Variants in PCDH9 observed in about 807,000 individuals in gnomAD.
The protein encoded by PCDH9 is protocadherin 9, also known as protocadherin-9.
In PCDH9, 24 loss-of-function variants were observed where a neutral mutation model predicts 70.6. That is an observed-to-expected ratio of 0.34 (90% CI 0.25 to 0.48). PCDH9 has a LOEUF of 0.48. Among genes scored for constraint, PCDH9 ranks in the 20% least tolerant of loss-of-function variants. The pLI is 0.99. For missense variants in PCDH9, 1,281 were observed against 1,503.6 expected, an observed-to-expected ratio of 0.85 and a Z score of 2.45; for synonymous variants, 562 against 558.5, an observed-to-expected ratio of 1.01 and a Z score of -0.09.
At chr13:67,113,744 T>C (rs2086705671) in intron 2 of PCDH9, among the ~76,000 whole-genome samples, 1 of 152,128 alleles carries the variant, frequency 6.6e-6, no homozygotes, top group Admixed American at 6.6e-5. Flanking sequence ...AGAGGGGGTT[T>C]CACTGCTTTA....
chr13:66,659,728 T>G (rs2139012903), intron 3 of PCDH9, among the ~76,000 whole-genome samples: 1 of 152,196 alleles, frequency 6.6e-6, no homozygotes, highest in East Asian at 1.9e-4. Context: ...CCCCGATCTC[T>G]TAATTCTCTA....
chr13:66,889,753 T>C (rs2088721215), intron 3 of PCDH9, among the ~76,000 whole-genome samples: 1 of 152,190 alleles, frequency 6.6e-6, no homozygotes, highest in African/African-American at 2.4e-5. Flanking sequence ...CTCTTTTCTC[T>C]TTCTGCCACT....
chr13:66,320,543 CA>C (rs1436919677), intron 4 of PCDH9, among the ~76,000 whole-genome samples: 2 of 151,916 alleles, frequency 1.3e-5, no homozygotes, highest in Non-Finnish European at 2.9e-5. Context: ...GGTTCAAAAT[CA>C]ATCACTAAGA....
chr13:66,905,864 ATT>A (rs1371716349), intron 2 of PCDH9, among the ~76,000 whole-genome samples: 2 of 152,286 alleles, frequency 1.3e-5, no homozygotes, highest in East Asian at 3.9e-4. Context: ...TTGCTGAAGG[ATT>A]TGCCCTGTAA....
At chr13:66,583,625 A>C (rs922670979) in intron 4 of PCDH9, among the ~76,000 whole-genome samples, 8 of 152,106 alleles carry the variant, frequency 5.3e-5, no homozygotes, top group African/African-American at 1.4e-4. Flanking sequence ...AAAAAAAAAA[A>C]AGAATAAAAC....
intron 4 of PCDH9, among the ~76,000 whole-genome samples, chr13:66,340,487 T>G (rs918896851): frequency 1.3e-5 from 2 of 152,158 alleles, no homozygotes; most frequent in African/African-American, 2.4e-5. Context: ...CAAAACTGAG[T>G]TCCTTTCACA....
intron 4 of PCDH9, among the ~76,000 whole-genome samples, chr13:66,468,616 T>G (rs1355318907): frequency 6.6e-6 from 1 of 152,166 alleles, no homozygotes; most frequent in African/African-American, 2.4e-5. Context: ...GAAAGCACAT[T>G]GCCAGTCATG....
intron 4 of PCDH9, among the ~76,000 whole-genome samples, chr13:66,522,476 T>C (rs1453061977): frequency 6.6e-6 from 1 of 152,086 alleles, no homozygotes; most frequent in Non-Finnish European, 1.5e-5. Context: ...AACTGTCACA[T>C]AGCTTATGCG....
In PCDH9 at chr13:66,482,955, G is replaced by A. The variant is rs1236342617; in HGVS notation, c.3340+148255C>T. ...CTAAGGGCCTCTAGCTATTTCTCCT[G>A]GCCTTTGCTGCTCACTTCCTCCTGC... On this transcript the variant is annotated intron_variant, in intron 4 of 4. Coordinates refer to ENST00000377865, the MANE Select transcript of PCDH9 (RefSeq NM_203487.3). 5.3e-5 allele frequency among the ~76,000 whole-genome samples: 8 copies of A among 152,176 alleles called. No individual in the cohort carries two copies. In the South Asian group the frequency reaches 1.7e-3, roughly 32 times the overall value.
At chr13:67,155,286 G>C (rs2087781801) in intron 2 of PCDH9, among the ~76,000 whole-genome samples, 1 of 152,052 alleles carries the variant, frequency 6.6e-6, no homozygotes, top group South Asian at 2.1e-4. Context: ...AGTGCTTCAG[G>C]CTTTTCTAAT....
At chr13:67,166,347 A>G (rs2088115979) in intron 2 of PCDH9, among the ~76,000 whole-genome samples, 1 of 152,222 alleles carries the variant, frequency 6.6e-6, no homozygotes, top group Non-Finnish European at 1.5e-5. Flanking sequence ...CATCTAATAG[A>G]TAACTATGAA....
At chr13:66,321,089 C>T (rs1249347407) in intron 4 of PCDH9, among the ~76,000 whole-genome samples, 1 of 151,986 alleles carries the variant, frequency 6.6e-6, no homozygotes, top group African/African-American at 2.4e-5. Flanking sequence ...GGCCTTGCTA[C>T]ACTGTCTTAG....
intron 3 of PCDH9, chr13:66,876,864 T>C (rs2081821287): frequency 6.6e-6 from 1 of 152,146 alleles, no homozygotes; most frequent in African/African-American, 2.4e-5. Flanking sequence ...CTTTGGAATA[T>C]TGTCCAGGAA....
intron 4 of PCDH9, among the ~76,000 whole-genome samples, chr13:66,448,254 T>C (rs1274641130): frequency 2.6e-5 from 4 of 152,218 alleles, no homozygotes; most frequent in Non-Finnish European, 4.4e-5. Flanking sequence ...TTTTGTATTT[T>C]TGATGGCTCA....
At chr13:67,191,886 C>A (rs2088923954) in intron 2 of PCDH9, among the ~76,000 whole-genome samples, 1 of 152,000 alleles carries the variant, frequency 6.6e-6, no homozygotes, top group Non-Finnish European at 1.5e-5. Flanking sequence ...GAACCACTTG[C>A]TTTCAATATG....
chr13:66,539,416 T>C (rs1232618597), intron 4 of PCDH9, among the ~76,000 whole-genome samples: 1 of 152,132 alleles, frequency 6.6e-6, no homozygotes, highest in Non-Finnish European at 1.5e-5. Flanking sequence ...GTTCTCATGA[T>C]AGTGAGTTCT....
intron 3 of PCDH9, among the ~76,000 whole-genome samples, chr13:66,855,644 G>T (rs538004454): frequency 6.6e-6 from 1 of 152,012 alleles, no homozygotes; most frequent in East Asian, 1.9e-4. Context: ...TTAATTATGT[G>T]TTATTATTGT....
intron 2 of PCDH9, among the ~76,000 whole-genome samples, chr13:67,138,616 G>A (rs2087294737): frequency 6.6e-6 from 1 of 152,170 alleles, no homozygotes; most frequent in Non-Finnish European, 1.5e-5. Context: ...CCTCTAGGGG[G>A]TATTTAAACT....
rs370621390 is a variant in PCDH9, at chr13:67,052,623, G to T, written c.3037-149018C>A. 9.2e-5 allele frequency among the ~76,000 whole-genome samples: 14 copies of T among 152,064 alleles called. No homozygotes were observed. In the East Asian group the frequency reaches 2.5e-3, roughly 27 times the overall value. On this transcript the variant is annotated intron_variant, in intron 2 of 4. Transcript: ENST00000377865. ...AAAGCCAGGTGCACACAAGAAGAAG[G>T]TAGGAGGGAGGTGCAGCCATTCAGA...
Sources: gnomAD v4.1 joint callset for allele counts (sites outside exome capture counted in the v4.1 genomes callset) on GRCh38, gnomAD v4.1.1 for gene constraint, MANE v1.5 for transcripts, NCBI Gene and HGNC (gene_info 2026-07-23, HGNC 2026-07-21) for gene names.